The following RABGAP1L variants were observed in gnomAD, a reference collection of about 807,000 sequenced individuals.
RABGAP1L encodes rab GTPase-activating protein 1-like.
Under a neutral mutation model 137.7 loss-of-function variants are expected in RABGAP1L, and 63 were observed. The observed-to-expected ratio is 0.46, with a 90% confidence interval of 0.37 to 0.56. RABGAP1L has a LOEUF of 0.56. RABGAP1L is among the 20% of genes least tolerant of loss of function. The probability of loss-of-function intolerance (pLI) is 0.00; values close to 1 mark genes in which losing one functional copy is unlikely to be tolerated. For missense variants in RABGAP1L, 1,095 were observed against 1,244.0 expected (o/e 0.88, Z 1.80); for synonymous variants, 431 against 433.7 (o/e 0.99, Z 0.08).
At chr1:174,658,580 G>T (rs1416349058) in intron 14 of RABGAP1L, among the ~76,000 whole-genome samples, 1 of 152,040 alleles carries the variant, frequency 6.6e-6, no homozygotes, top group African/African-American at 2.4e-5. Context: ...ACCATAGTAA[G>T]CTCTAACACC....
intron 19 of RABGAP1L, among the ~76,000 whole-genome samples, chr1:174,862,612 CT>C (rs1650440943): frequency 6.6e-6 from 1 of 152,168 alleles, no homozygotes; most frequent in Non-Finnish European, 1.5e-5. Flanking sequence ...CACTAAACCT[CT>C]CTTACAGCCT....
intron 11 of RABGAP1L, among the ~76,000 whole-genome samples, chr1:174,340,181 A>G (rs773268368): frequency 2.3e-4 from 35 of 152,210 alleles, no homozygotes; most frequent in Admixed American, 5.9e-4. Flanking sequence ...AGACATTGCC[A>G]AGAATTAAGT....
intron 1 of RABGAP1L, among the ~76,000 whole-genome samples, chr1:174,200,686 G>A (rs1022430828): frequency 6.6e-6 from 1 of 152,000 alleles, no homozygotes; most frequent in African/African-American, 2.4e-5. Flanking sequence ...GACATTTCTG[G>A]GATTGAGATC....
intron 11 of RABGAP1L, among the ~76,000 whole-genome samples, chr1:174,349,134 C>CTGGCCGGG (rs1311372081): frequency 8.7e-6 from 1 of 114,528 alleles, no homozygotes; most frequent in African/African-American, 3.8e-5. Context: ...GACGGGGCGG[C>CTGGCCGGG]TGGCCGGGCA....
At chr1:174,289,394 T>C (rs1158710793) in intron 10 of RABGAP1L, among the ~76,000 whole-genome samples, 1 of 152,240 alleles carries the variant, frequency 6.6e-6, no homozygotes, top group Middle Eastern at 3.2e-3. Flanking sequence ...GTTAATGTAT[T>C]GTTTTTCTGA....
At chr1:174,295,695 T>C (rs1180784782) in intron 10 of RABGAP1L, among the ~76,000 whole-genome samples, 1 of 151,770 alleles carries the variant, frequency 6.6e-6, no homozygotes, top group Non-Finnish European at 1.5e-5. Flanking sequence ...TTTTTTTTTT[T>C]TTTGGTAGCA....
chr1:174,896,744 G>A (rs1553274911), intron 19 of RABGAP1L, among the ~76,000 whole-genome samples: 3 of 152,216 alleles, frequency 2.0e-5, no homozygotes, highest in Non-Finnish European at 2.9e-5. Flanking sequence ...AAGATCAGAT[G>A]GTTGTAGATG....
intron 19 of RABGAP1L, among the ~76,000 whole-genome samples, chr1:174,836,524 T>C (rs1181467420): frequency 1.3e-5 from 2 of 152,172 alleles, no homozygotes; most frequent in African/African-American, 4.8e-5. Context: ...TAATCATAAA[T>C]CAAAGTTGAG....
intron 1 of RABGAP1L, among the ~76,000 whole-genome samples, chr1:174,187,247 T>C (rs1666872031): frequency 6.6e-6 from 1 of 151,686 alleles, no homozygotes; most frequent in South Asian, 2.1e-4. Context: ...ATCACCCTTT[T>C]CTCTTCCTTC....
chr1:174,934,464 G>A lies in RABGAP1L; in HGVS notation c.2341-22993G>A, dbSNP rs373397889. On this transcript the variant is annotated intron_variant, in intron 19 of 25. Coordinates refer to ENST00000681986, the MANE Select transcript of RABGAP1L (RefSeq NM_001366446.1). ...ACAGTTAATGAACTGTTACTCTCCC[G>A]TACTGGCTGTGTTTTCTACAGTATC... Among the ~76,000 whole-genome samples, 31 of 152,090 alleles carry A rather than the reference G, an allele frequency of 2.0e-4. 1 individual carries two copies. The highest frequency in any genetic ancestry group is 6.0e-4 in the African/African-American group (25 of 41,480).
chr1:174,572,136 A>G (rs1668025903), intron 13 of RABGAP1L, among the ~76,000 whole-genome samples: 1 of 152,230 alleles, frequency 6.6e-6, no homozygotes, highest in Non-Finnish European at 1.5e-5. Context: ...GTTTGGTGTA[A>G]TAGAGCATGG....
At chr1:174,209,691 A>G (rs1026629218) in intron 1 of RABGAP1L, among the ~76,000 whole-genome samples, 6 of 152,202 alleles carry the variant, frequency 3.9e-5, no homozygotes, top group Admixed American at 6.5e-5. Flanking sequence ...GAGGGGAAGG[A>G]CACAAACCTG....
intron 11 of RABGAP1L, among the ~76,000 whole-genome samples, chr1:174,319,666 A>G (rs925397779): frequency 1.3e-5 from 2 of 152,136 alleles, no homozygotes; most frequent in African/African-American, 4.8e-5. Context: ...ATTAACATGA[A>G]GATGTTAGTT....
In RABGAP1L at chr1:174,782,170, T is replaced by G. The variant is rs188253046; in HGVS notation, c.2212-29662T>G. 2.9e-3 allele frequency among the ~76,000 whole-genome samples: 440 copies of G among 152,358 alleles called. 2 individuals are homozygous for G. Among genetic ancestry groups the G allele is most frequent in the African/African-American group, 0.01 (421 of 41,576 alleles). ...ATTACCTTGGGCAGTATGGCCATTT[T>G]CATGATATTGATTCTTCCTATCCCT... On this transcript the variant is annotated intron_variant, in intron 18 of 25. Coordinates refer to ENST00000681986, the MANE Select transcript of RABGAP1L (RefSeq NM_001366446.1).
intron 13 of RABGAP1L, among the ~76,000 whole-genome samples, chr1:174,518,962 A>C (rs1663112710): frequency 6.6e-6 from 1 of 152,004 alleles, no homozygotes; most frequent in South Asian, 2.1e-4. Context: ...AATTTGCTTG[A>C]GGTTTCAGAA....
intron 18 of RABGAP1L, among the ~76,000 whole-genome samples, chr1:174,779,645 G>C (rs562026169): frequency 6.6e-5 from 10 of 152,146 alleles, no homozygotes; most frequent in African/African-American, 2.4e-4. Flanking sequence ...CTAAAGATTT[G>C]ATTTCTGCTT....
chr1:174,521,618 A>G (rs1663402473), intron 13 of RABGAP1L, among the ~76,000 whole-genome samples: 1 of 152,244 alleles, frequency 6.6e-6, no homozygotes, highest in Admixed American at 6.5e-5. Context: ...CGTGGAGATA[A>G]GTAATAAAAT....
rs539815718 is a variant in RABGAP1L, at chr1:174,176,485, G to A, written c.-34+16828G>A. ...AGCACTTTGGGAGGCCGAGGCGGGCGGATCGCTGGAGCTTAGGAGTTCAAG... is the reference window on the plus strand; with the variant it reads ...AGCACTTTGGGAGGCCGAGGCGGGCAGATCGCTGGAGCTTAGGAGTTCAAG... On this transcript the variant is annotated intron_variant, in intron 1 of 25. Coordinates refer to ENST00000681986, the MANE Select transcript of RABGAP1L (RefSeq NM_001366446.1). 1.3e-4 allele frequency among the ~76,000 whole-genome samples: 19 copies of A among 146,132 alleles called. No individual in the cohort carries two copies. The East Asian group carries it at 3.8e-3, about 29-fold the overall frequency.
intron 1 of RABGAP1L, among the ~76,000 whole-genome samples, chr1:174,176,927 T>G (rs2148269085): frequency 6.7e-6 from 1 of 149,960 alleles, no homozygotes; most frequent in Non-Finnish European, 1.5e-5. Flanking sequence ...TACAAAAAAA[T>G]TAGCTGGGCA....
Sources: allele counts gnomAD v4.1 joint callset (sites outside exome capture counted in the v4.1 genomes callset), GRCh38; gene constraint gnomAD v4.1.1; transcripts MANE v1.5; gene names NCBI Gene and HGNC (gene_info 2026-07-23, HGNC 2026-07-21).